Variants in ANXA4 observed in about 807,000 individuals in gnomAD.
ANXA4 encodes annexin A4.
A neutral mutation model predicts 49.8 loss-of-function variants in ANXA4; 39 were observed. The ratio of observed to expected loss-of-function variants is 0.78; its 90% CI spans 0.61 to 1.02. The LOEUF (loss-of-function observed/expected upper bound fraction) is 1.02, where lower values mean the gene tolerates loss of function less well. Among genes scored for constraint, ANXA4 ranks in the 50% least tolerant of loss-of-function variants. ANXA4 has a pLI of 0.00. For missense variants in ANXA4, 360 were observed against 410.1 expected (o/e 0.88, Z 1.05); for synonymous variants, 134 against 152.5 (o/e 0.88, Z 0.89).
At chr2:69,795,375 C>T (rs1241155054) in intron 3 of ANXA4, among the ~76,000 whole-genome samples, 1 of 152,126 alleles carries the variant, frequency 6.6e-6, no homozygotes, top group Non-Finnish European at 1.5e-5. Context: ...GACTATAAAC[C>T]ATTTAGTTCC....
chr2:69,659,906 G>A (rs932228590), intron 2 of ANXA4, among the ~76,000 whole-genome samples: 1 of 151,652 alleles, frequency 6.6e-6, no homozygotes, highest in Non-Finnish European at 1.5e-5. Context: ...CAAGAACTTG[G>A]ATTTTAAGGC....
intron 2 of ANXA4, among the ~76,000 whole-genome samples, chr2:69,664,527 T>C (rs1401390508): frequency 6.6e-6 from 1 of 152,202 alleles, no homozygotes; most frequent in Non-Finnish European, 1.5e-5. Context: ...ATGGTATCAA[T>C]CAGTTAATCT....
chr2:69,685,908 G>A (rs1677769562), intron 2 of ANXA4, among the ~76,000 whole-genome samples: 1 of 152,070 alleles, frequency 6.6e-6, no homozygotes, highest in South Asian at 2.1e-4. Flanking sequence ...CTCTCACCTT[G>A]GCCAGTTTCA....
intron 2 of ANXA4, among the ~76,000 whole-genome samples, chr2:69,667,304 C>T (rs1676973840): frequency 6.6e-6 from 1 of 151,876 alleles, no homozygotes; most frequent in Non-Finnish European, 1.5e-5. Context: ...GTACACTTCA[C>T]ACAGGTAAAC....
At chr2:69,679,651 T>C (rs1438639426) in intron 2 of ANXA4, among the ~76,000 whole-genome samples, 1 of 152,206 alleles carries the variant, frequency 6.6e-6, no homozygotes, top group Non-Finnish European at 1.5e-5. Context: ...CTTATATTTA[T>C]GTCTTTGCTC....
Position 69,780,656 on chromosome 2 carries a change from C to T in ANXA4, c.-46-864C>T, listed in dbSNP as rs149940684. Among the ~76,000 whole-genome samples, 1,212 of 152,246 alleles carry T rather than the reference C, an allele frequency of 8.0e-3. 6 individuals carry two copies. Among genetic ancestry groups the T allele is most frequent in the Non-Finnish European group, 0.013 (913 of 68,004 alleles). On this transcript the variant is annotated intron_variant, in intron 1 of 12. Transcript: ENST00000394295. ...ACTCGGGAGGCTGAGGCAGGAGGAT[C>T]GCTTGAGTCCAGGAGTTCGAGGCTG...
chr2:69,700,932 G>A (rs910983042), intron 2 of ANXA4, among the ~76,000 whole-genome samples: 1 of 152,132 alleles, frequency 6.6e-6, no homozygotes. Flanking sequence ...GAGTGCAGTG[G>A]TGTGATCTCA....
At chr2:69,699,089 G>A (rs949996204) in intron 2 of ANXA4, among the ~76,000 whole-genome samples, 3 of 152,174 alleles carry the variant, frequency 2.0e-5, no homozygotes, top group Non-Finnish European at 4.4e-5. Context: ...GGGTAAAGAG[G>A]AGGATGTGAT....
intron 1 of ANXA4, among the ~76,000 whole-genome samples, chr2:69,772,540 T>TG (rs1223158892): frequency 4.6e-5 from 7 of 151,560 alleles, no homozygotes; most frequent in Non-Finnish European, 1.0e-4. Context: ...AATTGTGTTT[T>TG]GGGGGGTGCA....
At chr2:69,723,700 G>A (rs1264312029) in intron 3 of ANXA4, among the ~76,000 whole-genome samples, 2 of 152,172 alleles carry the variant, frequency 1.3e-5, no homozygotes, top group Non-Finnish European at 2.9e-5. Flanking sequence ...ATAGCTGTGT[G>A]ATGCTATTTT....
At chr2:69,756,832 A>C (rs1671053982) in intron 1 of ANXA4, among the ~76,000 whole-genome samples, 1 of 151,924 alleles carries the variant, frequency 6.6e-6, no homozygotes, top group African/African-American at 2.4e-5. Context: ...AGATCCTAAA[A>C]ATGGGCAAAA....
chr2:69,696,775 T>C (rs1362623191), intron 2 of ANXA4, among the ~76,000 whole-genome samples: 1 of 152,230 alleles, frequency 6.6e-6, no homozygotes, highest in East Asian at 1.9e-4. Flanking sequence ...TCAGAGTTCT[T>C]GGGTGACTAG....
At chr2:69,687,786 G>C (rs1169896317) in intron 2 of ANXA4, among the ~76,000 whole-genome samples, 3 of 152,060 alleles carry the variant, frequency 2.0e-5, no homozygotes, top group African/African-American at 7.2e-5. Flanking sequence ...GGGCTGCCGC[G>C]CCCAGCTTAC....
At chr2:69,780,520 C>T (rs1388599794) in intron 1 of ANXA4, among the ~76,000 whole-genome samples, 2 of 152,092 alleles carry the variant, frequency 1.3e-5, no homozygotes, top group African/African-American at 4.8e-5. Context: ...TAACAAGTTC[C>T]CAGGAATGCA....
intron 11 of ANXA4, among the ~76,000 whole-genome samples, 190 bp from the exon 12 acceptor site, chr2:69,820,509 A>T (rs1674187416): frequency 6.6e-6 from 1 of 152,154 alleles, no homozygotes. Flanking sequence ...AACATAGAGC[A>T]TTGGAAAAGT....
rs554139291 is a variant in ANXA4 at position 69,784,183 on chromosome 2, C to T, written c.9+2609C>T. 8.7e-4 allele frequency among the ~76,000 whole-genome samples: 133 copies of T among 152,242 alleles called. 1 individual carries two copies. The highest frequency in any genetic ancestry group is 2.9e-3 in the African/African-American group (121 of 41,538). ...CTGTCTTCCCAGAATGGATAATGGC[C>T]TATTATACTCTGAAATTCAATCAAT... On this transcript the variant is annotated intron_variant, in intron 2 of 12. Transcript: ENST00000394295.
intron 2 of ANXA4, among the ~76,000 whole-genome samples, chr2:69,677,948 G>A (rs998289324): frequency 6.6e-6 from 1 of 152,196 alleles, no homozygotes; most frequent in Non-Finnish European, 1.5e-5. Flanking sequence ...TACTACTTTT[G>A]TATTTTTAGA....
intron 2 of ANXA4, among the ~76,000 whole-genome samples, chr2:69,718,849 TACATGCATACACATGTGTGCATACGC>T (rs1338130514): frequency 4.0e-5 from 6 of 151,792 alleles, no homozygotes; most frequent in South Asian, 2.1e-4. Context: ...TGCACACACA[TACATGCATACACATGTGTGCATACGC>T]ACATGCATAC....
Position 69,774,310 on chromosome 2 carries a change from G to T in ANXA4, c.-46-7210G>T, listed in dbSNP as rs114061098. Among the ~76,000 whole-genome samples the T allele has an allele frequency of 4.5e-3, 665 of 149,154 alleles. 7 individuals carry two copies. The highest frequency in any genetic ancestry group is 0.014 in the African/African-American group (579 of 40,326). ...TTTTGCAGCAGTAAGGTTATATGAG[G>T]TGTTTATGTAAAAGGAGCCCCCCCC... is the stretch of plus-strand genomic sequence containing the variant. On this transcript the variant is annotated intron_variant, in intron 1 of 12. Transcript: ENST00000394295.
Sources: allele counts gnomAD v4.1 joint callset (sites outside exome capture counted in the v4.1 genomes callset), GRCh38; gene constraint gnomAD v4.1.1; transcripts MANE v1.5; gene names NCBI Gene and HGNC (gene_info 2026-07-23, HGNC 2026-07-21).